The following IL1RAPL1 variants were observed in gnomAD, a reference collection of about 807,000 sequenced individuals.
The protein encoded by IL1RAPL1 is interleukin 1 receptor accessory protein like 1, also known as interleukin-1 receptor accessory protein-like 1.
A neutral mutation model predicts 48.4 loss-of-function variants in IL1RAPL1; 3 were observed. The observed-to-expected ratio is 0.06, with a 90% CI of 0.03 to 0.16. IL1RAPL1 has a LOEUF of 0.16. IL1RAPL1 is among the 10% of genes least tolerant of loss of function. IL1RAPL1 has a pLI of 1.00. For missense variants in IL1RAPL1, 349 were observed against 530.6 expected, an observed-to-expected ratio of 0.66 and a Z score of 3.36; for synonymous variants, 185 against 187.7, an observed-to-expected ratio of 0.99 and a Z score of 0.12.
At chrX:29,373,893 T>TTTTTTTTG (rs1933581334) in intron 3 of IL1RAPL1, among the ~76,000 whole-genome samples, 1 of 89,360 alleles carries the variant, frequency 1.1e-5, no homozygotes, top group Admixed American at 1.3e-4. Context: ...TTTTTTTTTT[T>TTTTTTTTG]GTGACGAGGT....
chrX:29,894,233 T>C (rs1188317348), intron 6 of IL1RAPL1, among the ~76,000 whole-genome samples: 1 of 112,265 alleles, frequency 8.9e-6, no homozygotes, highest in Non-Finnish European at 1.9e-5. Context: ...ATTCAACAAG[T>C]GTTTATAAAA....
At chrX:29,490,017 T>G (rs1242591196) in intron 5 of IL1RAPL1, among the ~76,000 whole-genome samples, 1 of 111,257 alleles carries the variant, frequency 9.0e-6, no homozygotes, top group Non-Finnish European at 1.9e-5. Context: ...TATTAATCTC[T>G]GATACCATGT....
intron 1 of IL1RAPL1, among the ~76,000 whole-genome samples, chrX:28,663,178 T>C (rs1287894969): frequency 2.7e-5 from 3 of 111,880 alleles, no homozygotes; most frequent in African/African-American, 3.3e-5. Flanking sequence ...CCTAGACAAG[T>C]TCATAGTCCT....
intron 2 of IL1RAPL1, among the ~76,000 whole-genome samples, chrX:28,919,896 T>G (rs2147336815): frequency 8.9e-6 from 1 of 112,131 alleles, no homozygotes. Flanking sequence ...AGTTTAAGTG[T>G]AGTTATCTTT....
At chrX:29,730,879 A>G (rs1302700508) in intron 6 of IL1RAPL1, among the ~76,000 whole-genome samples, 1 of 111,651 alleles carries the variant, frequency 9.0e-6, no homozygotes, top group African/African-American at 3.3e-5. Context: ...AGCCCTCCTG[A>G]TTTCTCCTAG....
At chrX:29,156,794 A>G (rs2147502282) in intron 2 of IL1RAPL1, among the ~76,000 whole-genome samples, 1 of 111,893 alleles carries the variant, frequency 8.9e-6, no homozygotes, top group South Asian at 3.7e-4. Flanking sequence ...TATCATAGCC[A>G]GTATGACCTT....
At chrX:29,116,904 A>G (rs1289334127) in intron 2 of IL1RAPL1, among the ~76,000 whole-genome samples, 1 of 111,700 alleles carries the variant, frequency 9.0e-6, no homozygotes, top group African/African-American at 3.2e-5. Context: ...CTTTTGTGGA[A>G]TATCATCTAT....
intron 3 of IL1RAPL1, among the ~76,000 whole-genome samples, chrX:29,391,186 A>G (rs1362125322): frequency 9.0e-6 from 1 of 111,002 alleles, no homozygotes; most frequent in Non-Finnish European, 1.9e-5. Context: ...AAAAAAAAAA[A>G]AAATCTCTGA....
rs541989340 is a variant in IL1RAPL1 at position 29,109,604 on chromosome X, A to G, written c.83-173334A>G. On this transcript the variant is annotated intron_variant, in intron 2 of 10. Coordinates refer to ENST00000378993, the MANE Select transcript of IL1RAPL1 (RefSeq NM_014271.4). ...CAATTCTAGCCTGTGGGTAGAGGAC[A>G]GAGCACTGCTGTCTCTTGCATATTA... is the stretch of plus-strand genomic sequence containing the variant. 1.9e-4 allele frequency among the ~76,000 whole-genome samples: 21 copies of G among 111,404 alleles called. 1 individual carries two copies. The South Asian group carries it at 6.8e-3, about 36-fold the overall frequency.
chrX:29,523,846 T>C (rs1323055696), intron 5 of IL1RAPL1, among the ~76,000 whole-genome samples: 20 of 111,353 alleles, frequency 1.8e-4, no homozygotes, highest in Non-Finnish European at 7.6e-5. Context: ...GTGCATGTTA[T>C]ATGGGAAGAT....
At chrX:29,920,748 T>C (rs1351082256) in intron 8 of IL1RAPL1, among the ~76,000 whole-genome samples, 2 of 94,300 alleles carry the variant, frequency 2.1e-5, no homozygotes, top group African/African-American at 8.5e-5. Flanking sequence ...TTAGGCGAGA[T>C]TGCGCCATTG....
At chrX:29,331,720 C>G (rs2147634051) in intron 3 of IL1RAPL1, among the ~76,000 whole-genome samples, 1 of 111,599 alleles carries the variant, frequency 9.0e-6, no homozygotes, top group South Asian at 3.7e-4. Context: ...CTTTTTTTGT[C>G]CACACAAATG....
At position 29,525,978 on chromosome X, in the gene IL1RAPL1, G is replaced by A. The variant is rs181135889; in HGVS notation, c.703+126670G>A. Among the ~76,000 whole-genome samples, 167 of 111,667 alleles carry A rather than the reference G, an allele frequency of 1.5e-3. 2 individuals carry two copies. Among genetic ancestry groups the A allele is most frequent in the African/African-American group, 5.2e-3 (161 of 30,768 alleles). On this transcript the variant is annotated intron_variant, in intron 5 of 10. Transcript: ENST00000378993. ...TAAACATTATCTTCAGCAGAGATGG[G>A]AGTTCAGAGTGTCATTGTAAAATAC... is the stretch of plus-strand genomic sequence containing the variant.
chrX:29,272,642 G>A (rs992494107), intron 2 of IL1RAPL1, among the ~76,000 whole-genome samples: 1 of 110,992 alleles, frequency 9.0e-6, no homozygotes, highest in Non-Finnish European at 1.9e-5. Context: ...GGGGATGGTC[G>A]TTTTGTACAG....
At chrX:29,528,515 A>G (rs1256120242) in intron 5 of IL1RAPL1, among the ~76,000 whole-genome samples, 1 of 112,619 alleles carries the variant, frequency 8.9e-6, no homozygotes, top group Non-Finnish European at 1.9e-5. Context: ...CCACAAATTT[A>G]GCAACTTAAC....
At chrX:29,874,426 T>C (rs760305941) in intron 6 of IL1RAPL1, among the ~76,000 whole-genome samples, 69 of 112,219 alleles carry the variant, frequency 6.1e-4, no homozygotes, top group Non-Finnish European at 1.1e-3. Context: ...AATGGAGTAC[T>C]CTAAGCTATT....
intron 2 of IL1RAPL1, among the ~76,000 whole-genome samples, chrX:29,007,507 C>T (rs548409189): frequency 1.8e-5 from 2 of 111,854 alleles, no homozygotes; most frequent in Admixed American, 1.9e-4. Flanking sequence ...TCAGCAAACC[C>T]TTTCCCCAAA....
intron 6 of IL1RAPL1, among the ~76,000 whole-genome samples, chrX:29,732,524 C>T (rs1478391945): frequency 9.0e-6 from 1 of 111,604 alleles, no homozygotes; most frequent in Non-Finnish European, 1.9e-5. Context: ...GCCCTAACTA[C>T]GAAATTAGCT....
chrX:29,021,366 C>T (rs1034386169), intron 2 of IL1RAPL1, among the ~76,000 whole-genome samples: 3 of 110,517 alleles, frequency 2.7e-5, no homozygotes, highest in Non-Finnish European at 5.7e-5. Context: ...TAAAAGCTGG[C>T]CCTTTAGTGG....
Sources: gnomAD v4.1 joint callset for allele counts (sites outside exome capture counted in the v4.1 genomes callset) on GRCh38, gnomAD v4.1.1 for gene constraint, MANE v1.5 for transcripts, NCBI Gene and HGNC (gene_info 2026-07-23, HGNC 2026-07-21) for gene names.